The following ACAD11 variants were observed in gnomAD, a reference collection of about 807,000 sequenced individuals.
ACAD11 encodes the protein acyl-Coenzyme A dehydrogenase family, member 11.
In ACAD11, 83 loss-of-function variants were observed where a neutral mutation model predicts 102.2. The observed-to-expected ratio is 0.81, with a 90% confidence interval of 0.68 to 0.97. The LOEUF is 0.97. Ranked by LOEUF, ACAD11 falls within the 50% of genes least tolerant of loss-of-function variation. The probability of loss-of-function intolerance (pLI) is 0.00; values close to 1 mark genes in which losing one functional copy is unlikely to be tolerated. For synonymous variants in ACAD11, 324 were observed against 319.8 expected (o/e 1.01, Z -0.14); for missense variants, 901 against 951.7 (o/e 0.95, Z 0.70).
chr3:132,608,064 A>G (rs914183776), intron 11 of ACAD11, among the ~76,000 whole-genome samples: 3 of 152,142 alleles, frequency 2.0e-5, no homozygotes, highest in Non-Finnish European at 4.4e-5. Flanking sequence ...TTACAGACAA[A>G]CAAATGCTGG....
rs569851852 is a variant in ACAD11 at position 132,578,996 on chromosome 3, A to T, written c.1689-115T>A. On this transcript the variant is annotated intron_variant, in intron 14 of 19. Coordinates refer to ENST00000264990, the MANE Select transcript of ACAD11 (RefSeq NM_032169.5). Reference sequence around the variant, plus strand: ...TTTTCATGTAGTCATGTAAGCAGTGATGACTGGAATGGGAACTGTGTAAAA... The same window carrying T: ...TTTTCATGTAGTCATGTAAGCAGTGTTGACTGGAATGGGAACTGTGTAAAA... 81 of 1,536,590 alleles carry T rather than the reference A, an allele frequency of 5.3e-5. 1 individual carries two copies. The South Asian group carries it at 9.0e-4, about 17-fold the overall frequency.
rs141750912 is a variant in ACAD11 at position 132,568,759 on chromosome 3, CT to C, written c.2001+7012del. On this transcript the variant is annotated intron_variant, in intron 17 of 19. Transcript: ENST00000264990. ...AAACAATTCAATGGAGGAAACATAG[CT>C]TTTTCAAAAAACGTTGCTGAAGCAA... Among the ~76,000 whole-genome samples, 673 of 121,378 alleles carry C rather than the reference CT, an allele frequency of 5.5e-3. 2 individuals are homozygous for C. Among genetic ancestry groups the C allele is most frequent in the Non-Finnish European group, 7.5e-3 (457 of 61,214 alleles). The allele number at this position is 121,378 out of a possible 152,430, so 79.6% of individuals were successfully genotyped here. A position where few individuals can be genotyped will look rare whatever the true frequency, so the allele number is the denominator to read the frequency against.
chr3:132,642,507 C>T (rs1940562801), intron 3 of ACAD11, among the ~76,000 whole-genome samples, 170 bp downstream of exon 3: 1 of 152,190 alleles, frequency 6.6e-6, no homozygotes, highest in African/African-American at 2.4e-5. Flanking sequence ...CCATCCCTCC[C>T]TTTGTAAGTG....
chr3:132,626,941 T>C (rs1232821856), intron 8 of ACAD11, 124 bp from the exon 9 acceptor site: 2 of 876,348 alleles, frequency 2.3e-6, no homozygotes, highest in Non-Finnish European at 3.3e-6. Context: ...GGAGTAGCTG[T>C]ATTTTATATT....
At chr3:132,644,730 G>T in intron 2 of ACAD11, 67 bp downstream of exon 2, 3 of 828,796 alleles carry the variant, frequency 3.6e-6, no homozygotes, top group Non-Finnish European at 5.5e-6. Flanking sequence ...AAAGTAAATT[G>T]GCTTTGTGTG....
rs182203860 is a variant in ACAD11 at position 132,613,352 on chromosome 3, T to C, written c.1414+5282A>G. On this transcript the variant is annotated intron_variant, in intron 11 of 19. Transcript: ENST00000264990. ...GTAATAAACCTGCACGTTGTAGACA[T>C]GTACCCTAAAACTTTAAGTATAATA... Among the ~76,000 whole-genome samples the C allele has an allele frequency of 3.0e-3, 460 of 151,878 alleles. 2 individuals are homozygous for C. The highest frequency in any genetic ancestry group is 6.2e-3 in the Admixed American group (94 of 15,250).
chr3:132,591,726 C>A (rs1448918833), intron 13 of ACAD11, among the ~76,000 whole-genome samples: 2 of 151,942 alleles, frequency 1.3e-5, no homozygotes, highest in African/African-American at 4.8e-5. Context: ...CTCGTCTATA[C>A]AAAAAAATTT....
In ACAD11 at chr3:132,594,707, T is replaced by C. The variant is rs190254127; in HGVS notation, c.1621+8522A>G. Among the ~76,000 whole-genome samples, 500 of 152,234 alleles carry C rather than the reference T, an allele frequency of 3.3e-3. 3 individuals are homozygous for C. Among genetic ancestry groups the C allele is most frequent in the African/African-American group, 0.012 (483 of 41,558 alleles). On this transcript the variant is annotated intron_variant, in intron 13 of 19. Transcript: ENST00000264990. ...GTCAGACCTAAATCTGAATTGTAAATAGGAGTTAGGGAACTAAAATAGGGT... is the reference window on the plus strand; with the variant it reads ...GTCAGACCTAAATCTGAATTGTAAACAGGAGTTAGGGAACTAAAATAGGGT...
chr3:132,580,791 C>A (rs1418583902), intron 13 of ACAD11, among the ~76,000 whole-genome samples: 1 of 151,944 alleles, frequency 6.6e-6, no homozygotes, highest in Non-Finnish European at 1.5e-5. Context: ...GATGAAACCT[C>A]AACCAGCTAC....
chr3:132,633,867 A>T (rs1056090907), intron 5 of ACAD11, among the ~76,000 whole-genome samples: 1 of 152,146 alleles, frequency 6.6e-6, no homozygotes, highest in Admixed American at 6.5e-5. Flanking sequence ...TAGAAAGCTG[A>T]AACTGGATCC....
chr3:132,600,320 T>C (rs921161555), intron 13 of ACAD11: 2 of 1,327,862 alleles, frequency 1.5e-6, no homozygotes, highest in South Asian at 3.1e-5. Flanking sequence ...ACAAAACAGC[T>C]TGATAAAAAC....
chr3:132,618,613 G>A, intron 11 of ACAD11, 21 bp downstream of exon 11: 1 of 1,530,216 alleles, frequency 6.5e-7, no homozygotes, highest in Non-Finnish European at 8.7e-7. Flanking sequence ...AAAAAATTAT[G>A]TTTTCAATTA....
Position 132,579,367 on chromosome 3 carries a change from C to T in ACAD11, c.1688+125G>A. 1.2e-5 allele frequency: 9 copies of T among 780,770 alleles called. No individual in the cohort carries two copies. The South Asian group carries it at 1.7e-4, about 14-fold the overall frequency. 48.4% of individuals were successfully genotyped at this position (780,770 alleles called of 1,614,324 possible). ...ATACTTGTGAAATACAAATATATGA[C>T]ATTTACTCTCATATCTTACATTATG... On this transcript the variant is annotated intron_variant, in intron 14 of 19. Coordinates refer to ENST00000264990, the MANE Select transcript of ACAD11 (RefSeq NM_032169.5).
chr3:132,657,649 T>C (rs1446769930), intron 1 of ACAD11, among the ~76,000 whole-genome samples: 1 of 152,200 alleles, frequency 6.6e-6, no homozygotes, highest in Non-Finnish European at 1.5e-5. Context: ...TTTACTTAGG[T>C]AATTTATATT....
At chr3:132,640,670 T>C (rs4594620) in intron 4 of ACAD11, among the ~76,000 whole-genome samples, 1 of 152,182 alleles carries the variant, frequency 6.6e-6, no homozygotes, top group African/African-American at 2.4e-5. Flanking sequence ...CACTTACTTG[T>C]GTATTACTTG....
Position 132,618,729 on chromosome 3 carries a change from G to A in ACAD11, c.1319C>T (p.Ala440Val). 1 of 1,599,544 alleles carries A rather than the reference G, an allele frequency of 6.3e-7. No homozygotes were observed. The highest frequency in any genetic ancestry group is 8.5e-7 in the Non-Finnish European group (1 of 1,174,200). The change falls in exon 11 of 20, where the codon GCT (alanine) becomes GTT (valine). Residue 440 changes from alanine to valine, a missense_variant. Transcript: ENST00000264990. ...GTCCACGTGGCTGAGTCCGCTGACA[G>A]CTGGCAAAAACAAGTTCCAGAGACC... ...VEGLWNLFLP[A>V]VSGLSHVDYA... is the part of the protein sequence containing the mutation.
rs373636507 is a variant in ACAD11, at chr3:132,628,450, T to C, written c.964-4A>G. 16 of 1,548,590 alleles carry C rather than the reference T, an allele frequency of 1.0e-5. No individual in the cohort carries two copies. The highest frequency in any genetic ancestry group is 1.4e-5 in the Non-Finnish European group (16 of 1,134,602). Reference sequence around the variant, plus strand: ...GAAGATATCTGCTATATACTCCCTATAAATAAACATAGAACAATTAAAATT... The same window carrying C: ...GAAGATATCTGCTATATACTCCCTACAAATAAACATAGAACAATTAAAATT... On this transcript the variant is annotated splice_polypyrimidine_tract_variant and splice_region_variant and intron_variant, in intron 7 of 19. Coordinates refer to ENST00000264990, the MANE Select transcript of ACAD11 (RefSeq NM_032169.5).
chr3:132,649,564 C>T (rs1262892235), intron 1 of ACAD11, among the ~76,000 whole-genome samples: 1 of 152,192 alleles, frequency 6.6e-6, no homozygotes, highest in Admixed American at 6.5e-5. Flanking sequence ...CCACTATCAC[C>T]CTGCTGTCCT....
At chr3:132,607,621 G>A (rs375359937) in intron 11 of ACAD11, among the ~76,000 whole-genome samples, 13 of 152,226 alleles carry the variant, frequency 8.5e-5, no homozygotes, top group Middle Eastern at 3.4e-3. Context: ...AATATGGGAT[G>A]ATGTGAAAAG....
Sources: gnomAD v4.1 joint callset for allele counts (sites outside exome capture counted in the v4.1 genomes callset) on GRCh38, gnomAD v4.1.1 for gene constraint, MANE v1.5 for transcripts, NCBI Gene and HGNC (gene_info 2026-07-23, HGNC 2026-07-21) for gene names.